Variants in ADRA1B observed in about 807,000 individuals in gnomAD.
ADRA1B encodes the protein alpha-1B adrenergic receptor.
In ADRA1B, 17 loss-of-function variants were observed where a neutral mutation model predicts 17.9. The observed-to-expected ratio is 0.95, with a 90% CI of 0.65 to 1.42. The LOEUF is 1.42. Ranked by LOEUF, ADRA1B falls within the 40% of genes most tolerant of loss-of-function variation. The pLI is 0.00. For missense variants in ADRA1B, 681 were observed against 722.1 expected, an observed-to-expected ratio of 0.94 and a Z score of 0.65; for synonymous variants, 366 against 327.6, an observed-to-expected ratio of 1.12 and a Z score of -1.27.
At chr5:159,945,132 C>A (rs1197035804) in intron 1 of ADRA1B, among the ~76,000 whole-genome samples, 1 of 152,140 alleles carries the variant, frequency 6.6e-6, no homozygotes, top group African/African-American at 2.4e-5. Flanking sequence ...ATAATCCCTG[C>A]ACTTTGGGAG....
At chr5:159,987,627 G>C in the ADRA1B span, among the ~76,000 whole-genome samples, 7 of 152,210 alleles carry the variant, frequency 4.6e-5, no homozygotes, top group African/African-American at 1.7e-4. Flanking sequence ...GCGGCCCTGC[G>C]GCACTTCCCT....
At chr5:159,983,268 C>T in the ADRA1B span, among the ~76,000 whole-genome samples, 37 of 152,306 alleles carry the variant, frequency 2.4e-4, no homozygotes, top group African/African-American at 8.7e-4. Flanking sequence ...CAAGGGCCAG[C>T]TAGTCCAGGG....
Position 159,917,360 on chromosome 5 carries a change from A to G in ADRA1B, c.455A>G (p.Gln152Arg). ...TACATCGGGGTGCGCTACTCTCTGCAGTATCCCACGCTGGTCACCCGGAGG... is the reference window on the plus strand; with the variant it reads ...TACATCGGGGTGCGCTACTCTCTGCGGTATCCCACGCTGGTCACCCGGAGG... ...DRYIGVRYSLQYPTLVTRRKA... is the reference protein window; with the variant it reads ...DRYIGVRYSLRYPTLVTRRKA... Residue 152 changes from glutamine (Q) to arginine (R), a missense_variant, in exon 1 of 2, where the codon CAG becomes CGG. By Grantham distance (43) the Gln-to-Arg change is conservative (BLOSUM62 1). Around this residue, in one of 3 missense-constraint regions of ADRA1B, gnomAD observed 424 missense variants for 480.2 expected, o/e 0.88. Transcript: ENST00000306675. The G allele has an allele frequency of 1.2e-6, 2 of 1,614,144 alleles. No homozygotes were observed. Among genetic ancestry groups the G allele is most frequent in the South Asian group, 1.1e-5 (1 of 91,080 alleles).
rs552999369 is a variant in ADRA1B, at chr5:159,874,779, G to A, written c.-256+9573G>A. On this transcript the variant is annotated intron_variant, in intron 1 of 2. Transcript: ENST00000641205. ...GGGGGTCAGAGTCCTCAGGTCCATG[G>A]AAAGTTGGTCTAACAAAGGTCTAAA... Among the ~76,000 whole-genome samples the A allele has an allele frequency of 9.2e-5, 14 of 152,344 alleles. No homozygotes were observed. The East Asian group carries it at 2.7e-3, about 29-fold the overall frequency.
the ADRA1B span, among the ~76,000 whole-genome samples, chr5:159,985,151 A>G: frequency 6.6e-6 from 1 of 152,098 alleles, no homozygotes; most frequent in Non-Finnish European, 1.5e-5. Context: ...GCCTGTGCTC[A>G]TTCCAGATAT....
chr5:159,915,328 TGA>T (rs1340242254), upstream of ADRA1B, among the ~76,000 whole-genome samples: 4 of 152,264 alleles, frequency 2.6e-5, no homozygotes, highest in East Asian at 7.7e-4. Flanking sequence ...ATAGAAATGG[TGA>T]AGAGTGTATT....
chr5:159,913,814 A>C (rs1193456193), upstream of ADRA1B, among the ~76,000 whole-genome samples: 1 of 152,136 alleles, frequency 6.6e-6, no homozygotes, highest in Non-Finnish European at 1.5e-5. Flanking sequence ...ATTAATGCCC[A>C]GGGAAGTGGG....
intron 1 of ADRA1B, among the ~76,000 whole-genome samples, chr5:159,949,190 C>A (rs1295388125): frequency 6.6e-6 from 1 of 152,174 alleles, no homozygotes; most frequent in East Asian, 1.9e-4. Context: ...TATACTCCTA[C>A]CCTCAATGTA....
In ADRA1B at chr5:159,972,399, C is replaced by G; in HGVS notation, c.1470C>G (p.Gly490=). 6.6e-7 allele frequency: 1 copy of G among 1,511,252 alleles called. No homozygotes were observed. Among genetic ancestry groups the G allele is most frequent in the South Asian group, 1.2e-5 (1 of 81,964 alleles). 93.6% of individuals were successfully genotyped at this position (1,511,252 alleles called of 1,614,324 possible). Residue 490 remains glycine, a synonymous_variant, in exon 2 of 2, where the codon GGC becomes GGG. Transcript: ENST00000306675. ...CCGAGAGCCCCGGGACCGACGGCGG[C>G]GCCAGCAACGGAGGCTGCGAGGCCG... ...TEPESPGTDG[G]ASNGGCEAAA... is the part of the protein sequence containing the mutation.
intron 1 of ADRA1B, among the ~76,000 whole-genome samples, chr5:159,878,350 C>A (rs1042741102): frequency 6.6e-6 from 1 of 152,180 alleles, no homozygotes; most frequent in Non-Finnish European, 1.5e-5. Context: ...GGGAACAAAG[C>A]TCCAGGAACA....
chr5:159,909,946 C>A (rs1754212197), intron 1 of ADRA1B, among the ~76,000 whole-genome samples: 2 of 152,160 alleles, frequency 1.3e-5, no homozygotes, highest in African/African-American at 4.8e-5. Flanking sequence ...CCACAGCTTG[C>A]AGCAAATTCT....
chr5:159,899,927 C>T (rs945750201), intron 1 of ADRA1B, among the ~76,000 whole-genome samples: 1 of 152,230 alleles, frequency 6.6e-6, no homozygotes, highest in African/African-American at 2.4e-5. Flanking sequence ...CTGGAATGTA[C>T]AGTGGATGTA....
rs1754358631 is a variant in ADRA1B at position 159,917,585 on chromosome 5, A to G, written c.680A>G (p.Tyr227Cys). 6.2e-7 allele frequency: 1 copy of G among 1,613,888 alleles called. No individual in the cohort carries two copies. The highest frequency in any genetic ancestry group is 8.5e-7 in the Non-Finnish European group (1 of 1,180,028). ...AVILVMYCRV[Y>C]IVAKRTTKNL... The stretch of plus-strand genomic sequence containing the variant: ...ATTCTAGTCATGTACTGCCGTGTCT[A>G]TATAGTGGCCAAGAGAACCACCAAG... Residue 227 changes from tyrosine to cysteine, a missense_variant, in exon 1 of 2, where the codon TAT becomes TGT. By Grantham distance (194) the Tyr-to-Cys change is radical. This residue lies in a region of ADRA1B where 424 missense variants were observed against 480.2 expected (regional missense o/e 0.88). Coordinates refer to ENST00000306675, the MANE Select transcript of ADRA1B (RefSeq NM_000679.4).
At position 159,917,572 on chromosome 5, in the gene ADRA1B, T is replaced by C. The variant is rs909145193; in HGVS notation, c.667T>C (p.Tyr223His). The change falls in exon 1 of 2, where the codon TAC becomes CAC. Residue 223 changes from tyrosine to histidine, a missense_variant. Physicochemically the swap from Tyr to His is moderately conservative, Grantham distance 83. This residue lies in a region of ADRA1B where 424 missense variants were observed against 480.2 expected (regional missense o/e 0.88). Transcript: ENST00000306675. ...YIPLAVILVM[Y>H]CRVYIVAKRT... ...CCCTCTGGCGGTCATTCTAGTCATG[T>C]ACTGCCGTGTCTATATAGTGGCCAA... The C allele has an allele frequency of 1.2e-6, 2 of 1,614,006 alleles. No individual in the cohort carries two copies. Among genetic ancestry groups the C allele is most frequent in the Non-Finnish European group, 1.7e-6 (2 of 1,180,020 alleles).
At chr5:159,882,951 A>G (rs1165171446) in intron 1 of ADRA1B, among the ~76,000 whole-genome samples, 1 of 152,176 alleles carries the variant, frequency 6.6e-6, no homozygotes, top group East Asian at 1.9e-4. Flanking sequence ...AAGGCCAACC[A>G]ATCTTCCCAA....
chr5:159,878,402 GC>G (rs1753824492), intron 1 of ADRA1B, among the ~76,000 whole-genome samples: 1 of 152,194 alleles, frequency 6.6e-6, no homozygotes, highest in Admixed American at 6.5e-5. Context: ...TCAGAGTAGG[GC>G]TCCAGTCCAA....
In ADRA1B at chr5:159,948,132, G is replaced by A. The variant is rs1755328162; in HGVS notation, c.950-23747G>A. 3 of 985,260 alleles carry A rather than the reference G, an allele frequency of 3.0e-6. No individual in the cohort carries two copies. The African/African-American group carries it at 5.2e-5, about 17-fold the overall frequency. 61.0% of individuals were successfully genotyped at this position (985,260 alleles called of 1,614,324 possible). On this transcript the variant is annotated intron_variant, in intron 1 of 1. Transcript: ENST00000306675. ...GTACCTTCATCCTCAATCCATACCA[G>A]TTCCCTGGAGTTAATCATAACAGGA...
chr5:159,972,154 G>C lies in ADRA1B; in HGVS notation c.1225G>C (p.Asp409His), dbSNP rs1200793714. ...GCAGTCGCGCAAGGACTCGCTGGAC[G>C]ACAGCGGCAGCTGCCTGAGCGGCAG... ...RSQSRKDSLD[D>H]SGSCLSGSQR... The change falls in exon 2 of 2, where the codon GAC becomes CAC. Residue 409 changes from aspartate (D) to histidine (H), a missense_variant. By Grantham distance (81) the Asp-to-His change is moderately conservative. Around this residue, in one of 3 missense-constraint regions of ADRA1B, gnomAD observed 251 missense variants for 224.9 expected, o/e 1.12. Transcript: ENST00000306675. The C allele has an allele frequency of 2.2e-6, 3 of 1,360,014 alleles. No homozygotes were observed. Among genetic ancestry groups the C allele is most frequent in the South Asian group, 3.4e-5 (2 of 58,970 alleles). 84.2% of individuals were successfully genotyped at this position (1,360,014 alleles called of 1,614,324 possible).
chr5:159,865,771 T>C (rs1438701780), intron 1 of ADRA1B, among the ~76,000 whole-genome samples: 1 of 152,198 alleles, frequency 6.6e-6, no homozygotes, highest in Non-Finnish European at 1.5e-5. Flanking sequence ...TTAAACTCTC[T>C]TTGTAAAATA....
Sources: allele counts gnomAD v4.1 joint callset (sites outside exome capture counted in the v4.1 genomes callset), GRCh38; gene constraint gnomAD v4.1.1; regional missense constraint gnomAD v4.1.1; transcripts MANE v1.5; gene names NCBI Gene and HGNC (gene_info 2026-07-23, HGNC 2026-07-21).